Variants in DGKG observed in about 807,000 individuals in gnomAD.
DGKG encodes DAG kinase gamma.
In DGKG, 78 loss-of-function variants were observed where a neutral mutation model predicts 105.3. The observed-to-expected ratio is 0.74, with a 90% CI of 0.62 to 0.89. The LOEUF is 0.89. Among genes scored for constraint, DGKG ranks in the 40% least tolerant of loss-of-function variants. The pLI is 0.00. For missense variants in DGKG, 958 were observed against 1,020.1 expected (o/e 0.94, Z 0.83); for synonymous variants, 346 against 367.1 (o/e 0.94, Z 0.66).
chr3:186,349,541 C>CT (rs1032705813), intron 1 of DGKG, among the ~76,000 whole-genome samples: 2 of 151,970 alleles, frequency 1.3e-5, no homozygotes, highest in Admixed American at 6.6e-5. Context: ...TATGTTCTCT[C>CT]TTTTTTTTAG....
At chr3:186,275,284 T>C (rs562617885) in intron 10 of DGKG, among the ~76,000 whole-genome samples, 7 of 152,214 alleles carry the variant, frequency 4.6e-5, no homozygotes, top group Non-Finnish European at 8.8e-5. Context: ...TTTAAATTAT[T>C]TGTGGACTTT....
At chr3:186,278,659 A>G (rs1028608197) in intron 9 of DGKG, among the ~76,000 whole-genome samples, 4 of 152,186 alleles carry the variant, frequency 2.6e-5, no homozygotes, top group African/African-American at 2.4e-5. Context: ...TGGACATGCT[A>G]TGAAATGATT....
rs1245276741 is a variant in DGKG, at chr3:186,306,498, G to A, written c.144+403C>T. On this transcript the variant is annotated intron_variant, in intron 3 of 24. Coordinates refer to ENST00000265022, the MANE Select transcript of DGKG (RefSeq NM_001346.3). The stretch of plus-strand genomic sequence containing the variant: ...GGATGGGGTTGAGTGCACACGTGGG[G>A]GAGTTGGACGTAGATAGGAGCATGG... Among the ~76,000 whole-genome samples the A allele has an allele frequency of 2.0e-5, 3 of 152,258 alleles. No homozygotes were observed. The East Asian group carries it at 5.8e-4, about 29-fold the overall frequency.
chr3:186,339,958 C>A (rs1478360543), intron 1 of DGKG, among the ~76,000 whole-genome samples: 1 of 152,194 alleles, frequency 6.6e-6, no homozygotes, highest in Admixed American at 6.5e-5. Flanking sequence ...AGTGGTATCA[C>A]CTTACACAGT....
chr3:186,240,886 A>T (rs1308270255), intron 20 of DGKG, among the ~76,000 whole-genome samples: 3 of 151,946 alleles, frequency 2.0e-5, no homozygotes, highest in South Asian at 2.1e-4. Context: ...AGTACTTTTT[A>T]AAAAAGTGGT....
At chr3:186,160,468 A>G (rs992141511) in intron 24 of DGKG, 9 of 985,414 alleles carry the variant, frequency 9.1e-6, no homozygotes, top group East Asian at 1.1e-4. Flanking sequence ...ATTATTTGAT[A>G]TAGTGTGTTT....
chr3:186,282,349 G>A (rs1200892399), intron 7 of DGKG, among the ~76,000 whole-genome samples: 3 of 152,254 alleles, frequency 2.0e-5, no homozygotes, highest in Admixed American at 6.5e-5. Flanking sequence ...GAGTCCATAT[G>A]ACAGGGATTC....
intron 1 of DGKG, among the ~76,000 whole-genome samples, chr3:186,332,993 G>C (rs1403906645): frequency 1.3e-5 from 2 of 152,132 alleles, no homozygotes; most frequent in Admixed American, 6.5e-5. Flanking sequence ...ATCACCACCA[G>C]TAAGAAGGGC....
chr3:186,165,810 G>A (rs1023186091), intron 22 of DGKG, among the ~76,000 whole-genome samples: 15 of 152,204 alleles, frequency 9.9e-5, no homozygotes, highest in African/African-American at 3.6e-4. Context: ...CAGGATTAAT[G>A]TTTGATGTTG....
chr3:186,307,681 G>T (rs956694238), intron 2 of DGKG, among the ~76,000 whole-genome samples: 2 of 152,192 alleles, frequency 1.3e-5, no homozygotes, highest in African/African-American at 2.4e-5. Flanking sequence ...AAGGTCTGAC[G>T]TGTAACTAGG....
chr3:186,161,075 T>TAAAAAA, intron 24 of DGKG: 1 of 986,978 alleles, frequency 1.0e-6, no homozygotes, highest in Non-Finnish European at 1.2e-6. Flanking sequence ...TCAAGTAGGT[T>TAAAAAA]ATCAGGGCTT....
intron 5 of DGKG, among the ~76,000 whole-genome samples, chr3:186,295,638 T>TAAAAAAAAA (rs34829528): frequency 5.9e-5 from 5 of 84,522 alleles, no homozygotes; most frequent in South Asian, 5.3e-4. Context: ...TAATGCACAG[T>TAAAAAAAAA]AAAAAAAAAA....
intron 24 of DGKG, chr3:186,159,389 A>G (rs1331237316): frequency 1.3e-5 from 2 of 152,112 alleles, no homozygotes; most frequent in Non-Finnish European, 2.9e-5. Context: ...TATCTTTACT[A>G]TTCCTTCAGC....
intron 1 of DGKG, among the ~76,000 whole-genome samples, chr3:186,326,205 A>G (rs1418885326): frequency 6.6e-6 from 1 of 152,160 alleles, no homozygotes; most frequent in African/African-American, 2.4e-5. Flanking sequence ...CAGCCTGGCC[A>G]ACATGGCGAA....
chr3:186,239,703 G>A (rs1177171495), intron 20 of DGKG, among the ~76,000 whole-genome samples: 2 of 152,206 alleles, frequency 1.3e-5, no homozygotes, highest in Non-Finnish European at 2.9e-5. Flanking sequence ...AGGCGAGCAC[G>A]CAGGTTTACG....
At chr3:186,291,864 A>C (rs1458054409) in intron 5 of DGKG, among the ~76,000 whole-genome samples, 1 of 152,176 alleles carries the variant, frequency 6.6e-6, no homozygotes, top group East Asian at 1.9e-4. Flanking sequence ...CTTATTAATT[A>C]TACACTTAAA....
At chr3:186,278,844 C>T (rs1272962948) in intron 9 of DGKG, among the ~76,000 whole-genome samples, 1 of 152,148 alleles carries the variant, frequency 6.6e-6, no homozygotes, top group Non-Finnish European at 1.5e-5. Context: ...TCTTTGAGAT[C>T]TGTAATCTCA....
chr3:186,262,769 T>C (rs1048751416), intron 14 of DGKG, among the ~76,000 whole-genome samples: 1 of 152,200 alleles, frequency 6.6e-6, no homozygotes, highest in Non-Finnish European at 1.5e-5. Context: ...CCCATGGGTC[T>C]GCTCGTGCTT....
intron 3 of DGKG, among the ~76,000 whole-genome samples, chr3:186,305,310 G>C (rs571695464): frequency 6.6e-6 from 1 of 152,278 alleles, no homozygotes; most frequent in African/African-American, 2.4e-5. Flanking sequence ...GTAAGATAAT[G>C]GACAATGTGA....
Sources: gnomAD v4.1 joint callset for allele counts (sites outside exome capture counted in the v4.1 genomes callset) on GRCh38, gnomAD v4.1.1 for gene constraint, MANE v1.5 for transcripts, NCBI Gene and HGNC (gene_info 2026-07-23, HGNC 2026-07-21) for gene names.